Variants in CPPED1 observed in about 807,000 individuals in gnomAD.
CPPED1 encodes the protein serine/threonine-protein phosphatase CPPED1.
A neutral mutation model predicts 28.0 loss-of-function variants in CPPED1; 28 were observed. The observed-to-expected ratio is 1.00, with a 90% confidence interval of 0.74 to 1.37. The LOEUF (loss-of-function observed/expected upper bound fraction) is 1.37, where lower values mean the gene tolerates loss of function less well. CPPED1 is among the 40% of genes most tolerant of loss of function. The pLI, the probability that CPPED1 is intolerant of heterozygous loss-of-function variation, is 0.00. For missense variants in CPPED1, 504 were observed against 416.5 expected (o/e 1.21, Z -1.83); for synonymous variants, 198 against 180.2 (o/e 1.10, Z -0.79).
chr16:12,755,619 T>C (rs1487071906), intron 2 of CPPED1, among the ~76,000 whole-genome samples: 1 of 152,146 alleles, frequency 6.6e-6, no homozygotes, highest in East Asian at 1.9e-4. Flanking sequence ...TGTTAGGATG[T>C]TAGGGCATTT....
At chr16:12,678,913 T>C (rs1018069399) in intron 3 of CPPED1, among the ~76,000 whole-genome samples, 4 of 152,234 alleles carry the variant, frequency 2.6e-5, no homozygotes, top group African/African-American at 9.6e-5. Flanking sequence ...TCCAATACAA[T>C]GTTAAAAAGT....
rs187365360 is a variant in CPPED1, at chr16:12,773,435, G to A, written c.289+7750C>T. ...ATTACATTTAATACATTAAAAAGTG[G>A]CCCCGACTCGGCGTGGTGGCTCATG... On this transcript the variant is annotated intron_variant, in intron 2 of 3. Transcript: ENST00000381774. Among the ~76,000 whole-genome samples the A allele has an allele frequency of 9.2e-5, 14 of 152,278 alleles. No individual in the cohort carries two copies. In the East Asian group the frequency reaches 2.7e-3, roughly 29 times the overall value.
At chr16:12,698,052 G>A (rs889153050) in intron 3 of CPPED1, among the ~76,000 whole-genome samples, 2 of 152,172 alleles carry the variant, frequency 1.3e-5, no homozygotes, top group African/African-American at 4.8e-5. Context: ...GGAAGTTGCA[G>A]TGAGTCAAGA....
chr16:12,759,762 C>T (rs2080397496), intron 2 of CPPED1, among the ~76,000 whole-genome samples: 1 of 152,160 alleles, frequency 6.6e-6, no homozygotes, highest in Admixed American at 6.5e-5. Flanking sequence ...TCTCCTGACG[C>T]CTTGTGAAAA....
rs2079881886 is a variant in CPPED1 at position 12,677,144 on chromosome 16, G to C, written c.716-12029C>G. 2.6e-5 allele frequency among the ~76,000 whole-genome samples: 4 copies of C among 152,310 alleles called. No homozygotes were observed. The South Asian group carries it at 8.3e-4, about 32-fold the overall frequency. On this transcript the variant is annotated intron_variant, in intron 3 of 3. Transcript: ENST00000381774. ...GCTGGGCATCCGAATTTCCTCTTCA[G>C]CATTTTTAATCCTTCTGACACCCAA... is the stretch of plus-strand genomic sequence containing the variant.
chr16:12,772,743 T>C (rs1025586929), intron 2 of CPPED1, among the ~76,000 whole-genome samples: 1 of 152,200 alleles, frequency 6.6e-6, no homozygotes, highest in African/African-American at 2.4e-5. Context: ...GAAAAGCTTC[T>C]TCATCTATAA....
At chr16:12,689,020 A>G (rs1477328669) in intron 3 of CPPED1, among the ~76,000 whole-genome samples, 1 of 152,160 alleles carries the variant, frequency 6.6e-6, no homozygotes, top group East Asian at 1.9e-4. Flanking sequence ...AAGAAGTTCA[A>G]GATGTTATTA....
chr16:12,789,801 A>G (rs2080585791), intron 1 of CPPED1, among the ~76,000 whole-genome samples: 1 of 152,178 alleles, frequency 6.6e-6, no homozygotes, highest in Non-Finnish European at 1.5e-5. Flanking sequence ...TGCTAGGATT[A>G]CAGCCATGAG....
intron 2 of CPPED1, among the ~76,000 whole-genome samples, chr16:12,734,221 C>T (rs573338337): frequency 6.6e-6 from 1 of 151,882 alleles, no homozygotes; most frequent in South Asian, 2.1e-4. Context: ...AAGCATGCAC[C>T]ACCATGCCCA....
intron 3 of CPPED1, among the ~76,000 whole-genome samples, chr16:12,671,778 C>T (rs1025560547): frequency 2.0e-5 from 3 of 152,074 alleles, no homozygotes; most frequent in African/African-American, 7.2e-5. Context: ...CTACCATGGA[C>T]GTTTTAGTCA....
intron 1 of CPPED1, among the ~76,000 whole-genome samples, chr16:12,796,022 G>T (rs140501564): frequency 0.041 from 6,154 of 151,728 alleles, 289 homozygotes; most frequent in East Asian, 0.11. Flanking sequence ...AGCAGAGGTT[G>T]CAGTGAGCCA....
chr16:12,784,527 T>G (rs2080551323), intron 1 of CPPED1, among the ~76,000 whole-genome samples: 1 of 149,434 alleles, frequency 6.7e-6, no homozygotes, highest in Admixed American at 6.8e-5. Flanking sequence ...GACAACAAGA[T>G]TTCCTGAAGA....
In CPPED1 at chr16:12,803,842, A is replaced by G. The variant is rs2141250578; in HGVS notation, c.-66T>C. 4 of 1,471,434 alleles carry G rather than the reference A, an allele frequency of 2.7e-6. No homozygotes were observed. In the South Asian group the frequency reaches 3.7e-5, roughly 14 times the overall value. The allele number at this position is 1,471,434 out of a possible 1,614,324, so 91.1% of individuals were successfully genotyped here. A position where few individuals can be genotyped will look rare whatever the true frequency, so the allele number is the denominator to read the frequency against. On this transcript the variant is annotated 5_prime_UTR_variant, in exon 1 of 4. Transcript: ENST00000381774. ...GTGGAAGCCGCGCGACTTCACACAG[A>G]ACAACCGCTGGACCTGTCCCGCTTT...
rs911708637 is a variant in CPPED1, at chr16:12,662,932, G to C, written c.*1954C>G. The C allele has an allele frequency of 1.8e-4, 27 of 152,080 alleles. No homozygotes were observed. The highest frequency in any genetic ancestry group is 6.5e-4 in the African/African-American group (27 of 41,394). 9.4% of individuals were successfully genotyped at this position (152,080 alleles called of 1,614,324 possible). ...CCCATGTGCCACAATTCAGAGCATT[G>C]TGCATACGTAAGAACAGAGTGAGAG... On this transcript the variant is annotated 3_prime_UTR_variant, in exon 4 of 4. Transcript: ENST00000381774.
In CPPED1 at chr16:12,704,793, G is replaced by T. The variant is rs2080040014; in HGVS notation, c.546C>A (p.Asp182Glu). The change falls in exon 3 of 4, where the codon GAC (aspartate) becomes GAA (glutamate). Residue 182 changes from aspartate to glutamate, a missense_variant. Transcript: ENST00000381774. Reference protein sequence around the residue: ...SKCPSLKQAQDQWLDEQLSIA... With the variant: ...SKCPSLKQAQEQWLDEQLSIA... Reference sequence around the variant, plus strand: ...TGCTCAGCTGCTCGTCCAGCCACTGGTCCTGAGCCTGCTTCAGGCTGGGGC... The same window carrying T: ...TGCTCAGCTGCTCGTCCAGCCACTGTTCCTGAGCCTGCTTCAGGCTGGGGC... The T allele has an allele frequency of 8.1e-6, 13 of 1,614,234 alleles. No homozygotes were observed. Among genetic ancestry groups the T allele is most frequent in the Non-Finnish European group, 1.1e-5 (13 of 1,180,036 alleles).
At chr16:12,728,428 GA>G (rs1224566713) in intron 2 of CPPED1, among the ~76,000 whole-genome samples, 7 of 152,040 alleles carry the variant, frequency 4.6e-5, no homozygotes, top group Non-Finnish European at 4.4e-5. Flanking sequence ...AAGAGATGAA[GA>G]AAGGATTACA....
intron 2 of CPPED1, among the ~76,000 whole-genome samples, chr16:12,708,011 G>A (rs898254584): frequency 6.6e-6 from 1 of 152,130 alleles, no homozygotes; most frequent in Admixed American, 6.5e-5. Context: ...CCCAGGCATG[G>A]TGGCATACAC....
At chr16:12,766,590 T>A (rs954297547) in intron 2 of CPPED1, among the ~76,000 whole-genome samples, 2 of 151,762 alleles carry the variant, frequency 1.3e-5, no homozygotes, top group African/African-American at 2.4e-5. Flanking sequence ...CAATTCAAGA[T>A]GAGATGTGGG....
chr16:12,680,058 C>G (rs907149456), intron 3 of CPPED1, among the ~76,000 whole-genome samples: 1 of 152,152 alleles, frequency 6.6e-6, no homozygotes, highest in African/African-American at 2.4e-5. Context: ...AACCTTTGTT[C>G]ACAATGCAGT....
Sources: allele counts gnomAD v4.1 joint callset (sites outside exome capture counted in the v4.1 genomes callset), GRCh38; gene constraint gnomAD v4.1.1; transcripts MANE v1.5; gene names NCBI Gene and HGNC (gene_info 2026-07-23, HGNC 2026-07-21).